ZEB1: variants seen among roughly 807,000 people sequenced by gnomAD.
The protein encoded by ZEB1 is zinc finger E-box binding homeobox 1.
Under a neutral mutation model 84.9 loss-of-function variants are expected in ZEB1, and 21 were observed. The observed-to-expected ratio is 0.25, with a 90% CI of 0.18 to 0.36. The LOEUF (loss-of-function observed/expected upper bound fraction) is 0.36, where lower values mean the gene tolerates loss of function less well. Ranked by LOEUF, ZEB1 falls within the 10% of genes least tolerant of loss-of-function variation. The pLI, the probability that ZEB1 is intolerant of heterozygous loss-of-function variation, is 1.00. For synonymous variants in ZEB1, 420 were observed against 471.1 expected, an observed-to-expected ratio of 0.89 and a Z score of 1.41; for missense variants, 1,104 against 1,330.2, an observed-to-expected ratio of 0.83 and a Z score of 2.65.
Position 31,366,025 on chromosome 10 carries a change from G to T in ZEB1, c.58+46733G>T, listed in dbSNP as rs1267078566. Reference sequence around the variant, plus strand: ...TGGAAAGAAAAGGCAGTTGCGAGCTGCTGGCTCTAGCAAATCAGAGCTAAT... The same window carrying T: ...TGGAAAGAAAAGGCAGTTGCGAGCTTCTGGCTCTAGCAAATCAGAGCTAAT... On this transcript the variant is annotated intron_variant, in intron 1 of 8. Transcript: ENST00000424869. Among the ~76,000 whole-genome samples, 3 of 152,324 alleles carry T rather than the reference G, an allele frequency of 2.0e-5. No homozygotes were observed. In the East Asian group the frequency reaches 5.8e-4, roughly 29 times the overall value.
intron 1 of ZEB1, among the ~76,000 whole-genome samples, chr10:31,405,699 C>T (rs1206518523): frequency 6.6e-6 from 1 of 151,806 alleles, no homozygotes; most frequent in African/African-American, 2.4e-5. Context: ...GTTTCTATTA[C>T]ACCTAGGCTC....
Position 31,404,938 on chromosome 10 carries a change from TAC to T in ZEB1, c.59-56097_59-56096del, listed in dbSNP as rs569411995. ...GCTGGCTTCATGGGTGTGCAACCTG[TAC>T]AGTTACACAAGGCTCAGCTTTTTTA... On this transcript the variant is annotated intron_variant, in intron 1 of 8. Coordinates refer to ENST00000424869, the MANE Select transcript of ZEB1 (RefSeq NM_001174096.2). Among the ~76,000 whole-genome samples, 46 of 152,262 alleles carry T rather than the reference TAC, an allele frequency of 3.0e-4. No individual in the cohort carries two copies. In the South Asian group the frequency reaches 9.5e-3, roughly 32 times the overall value.
chr10:31,498,892 G>A (rs1047468862), intron 3 of ZEB1, among the ~76,000 whole-genome samples: 1 of 151,776 alleles, frequency 6.6e-6, no homozygotes, highest in African/African-American at 2.4e-5. Context: ...GTAATTAATT[G>A]TAATAGCTTA....
intron 1 of ZEB1, among the ~76,000 whole-genome samples, chr10:31,322,511 G>A (rs1021817749): frequency 1.3e-5 from 2 of 152,166 alleles, no homozygotes; most frequent in African/African-American, 4.8e-5. Context: ...ATGTCTGAAG[G>A]TAGGATATTA....
intron 2 of ZEB1, among the ~76,000 whole-genome samples, chr10:31,468,796 A>G (rs543322594): frequency 7.2e-5 from 11 of 152,168 alleles, no homozygotes; most frequent in Non-Finnish European, 1.5e-4. Flanking sequence ...AAATGAAGAT[A>G]AATCCAAAAA....
intron 1 of ZEB1, among the ~76,000 whole-genome samples, chr10:31,433,441 T>C (rs1386593567): frequency 6.6e-6 from 1 of 152,238 alleles, no homozygotes; most frequent in African/African-American, 2.4e-5. Context: ...CAGGCTTATT[T>C]GGCTTATTTT....
chr10:31,436,010 G>A (rs1452368878), intron 1 of ZEB1, among the ~76,000 whole-genome samples: 1 of 152,158 alleles, frequency 6.6e-6, no homozygotes, highest in African/African-American at 2.4e-5. Context: ...AGAAGAGGAA[G>A]AATACATAGC....
chr10:31,413,983 C>A (rs1475199167), intron 1 of ZEB1, among the ~76,000 whole-genome samples: 1 of 152,148 alleles, frequency 6.6e-6, no homozygotes, highest in Non-Finnish European at 1.5e-5. Flanking sequence ...CTGCAAAGAC[C>A]GCCCCTTCCA....
intron 2 of ZEB1, among the ~76,000 whole-genome samples, chr10:31,481,582 G>A (rs1298950141): frequency 1.3e-5 from 2 of 151,848 alleles, no homozygotes; most frequent in African/African-American, 2.4e-5. Flanking sequence ...CCAACTACTC[G>A]GGAGGCTGAG....
At chr10:31,343,755 C>A (rs754472131) in intron 1 of ZEB1, among the ~76,000 whole-genome samples, 1 of 152,100 alleles carries the variant, frequency 6.6e-6, no homozygotes, top group South Asian at 2.1e-4. Flanking sequence ...CGCTTTAAAT[C>A]TTAGTAGGCA....
chr10:31,330,259 A>G (rs961104823), intron 1 of ZEB1, among the ~76,000 whole-genome samples: 1 of 152,186 alleles, frequency 6.6e-6, no homozygotes, highest in Non-Finnish European at 1.5e-5. Context: ...AATGTTTCTC[A>G]GGGCCCAACT....
chr10:31,331,150 C>T (rs1437741473), intron 1 of ZEB1, among the ~76,000 whole-genome samples: 3 of 125,952 alleles, frequency 2.4e-5, no homozygotes, highest in African/African-American at 6.4e-5. Context: ...AATGCAGTGG[C>T]ATCTCGGTTC....
chr10:31,373,714 T>C (rs1034533381), intron 1 of ZEB1, among the ~76,000 whole-genome samples: 17 of 152,024 alleles, frequency 1.1e-4, no homozygotes, highest in South Asian at 4.1e-4. Flanking sequence ...TACTATACTT[T>C]GGCGGAAACT....
At chr10:31,375,572 A>C (rs1412658615) in intron 1 of ZEB1, among the ~76,000 whole-genome samples, 1 of 151,794 alleles carries the variant, frequency 6.6e-6, no homozygotes, top group Non-Finnish European at 1.5e-5. Flanking sequence ...TTCTTTCTAA[A>C]ACAAAATTCT....
intron 1 of ZEB1, among the ~76,000 whole-genome samples, chr10:31,351,883 G>A (rs1039390624): frequency 6.6e-6 from 1 of 152,088 alleles, no homozygotes; most frequent in African/African-American, 2.4e-5. Flanking sequence ...GTAGTATTTT[G>A]CTGGTATACT....
At chr10:31,512,484 A>G (rs2070271486) in intron 5 of ZEB1, among the ~76,000 whole-genome samples, 1 of 152,156 alleles carries the variant, frequency 6.6e-6, no homozygotes, top group African/African-American at 2.4e-5. Flanking sequence ...GGTCTTGGAA[A>G]CAATTTAGTT....
intron 1 of ZEB1, among the ~76,000 whole-genome samples, chr10:31,445,523 G>A (rs886657927): frequency 2.6e-5 from 4 of 151,460 alleles, no homozygotes; most frequent in African/African-American, 9.7e-5. Context: ...TCCAGTTTTT[G>A]CCCATTCAGT....
chr10:31,379,742 T>C (rs1265123310), intron 1 of ZEB1, among the ~76,000 whole-genome samples: 1 of 152,018 alleles, frequency 6.6e-6, no homozygotes, highest in East Asian at 1.9e-4. Flanking sequence ...TGTAAAAAAT[T>C]TCAGGCATAC....
chr10:31,440,773 G>C (rs1374694964), intron 1 of ZEB1, among the ~76,000 whole-genome samples: 1 of 152,142 alleles, frequency 6.6e-6, no homozygotes, highest in African/African-American at 2.4e-5. Flanking sequence ...CAGACAAACA[G>C]AAAGCCAAAT....
Sources: gnomAD v4.1 joint callset for allele counts (sites outside exome capture counted in the v4.1 genomes callset) on GRCh38, gnomAD v4.1.1 for gene constraint, MANE v1.5 for transcripts, NCBI Gene and HGNC (gene_info 2026-07-23, HGNC 2026-07-21) for gene names.